DIPK1A: variants seen among roughly 807,000 people sequenced by gnomAD.
DIPK1A encodes the protein divergent protein kinase domain 1A.
In DIPK1A, 27 loss-of-function variants were observed where a neutral mutation model predicts 40.8. That is an observed-to-expected ratio of 0.66 (90% CI 0.49 to 0.91). DIPK1A has a LOEUF of 0.91. DIPK1A is among the 40% of genes least tolerant of loss of function. DIPK1A has a pLI of 0.00. For missense variants in DIPK1A, 412 were observed against 505.7 expected, an observed-to-expected ratio of 0.81 and a Z score of 1.78; for synonymous variants, 166 against 171.3, an observed-to-expected ratio of 0.97 and a Z score of 0.24.
At chr1:92,886,274 G>GT (rs941779697) in intron 1 of DIPK1A, among the ~76,000 whole-genome samples, 9 of 152,102 alleles carry the variant, frequency 5.9e-5, no homozygotes, top group African/African-American at 2.2e-4. Flanking sequence ...TGAGGCTGCA[G>GT]TAAGTGATGA....
At chr1:92,961,257 G>A (rs1652075678) in intron 1 of DIPK1A, 119 bp downstream of exon 1, 3 of 554,570 alleles carry the variant, frequency 5.4e-6, no homozygotes, top group Non-Finnish European at 8.1e-6. Context: ...AGGGGGCAGC[G>A]GGGTTCGGGC....
chr1:92,900,351 C>T (rs1292756668), intron 1 of DIPK1A, among the ~76,000 whole-genome samples: 2 of 152,010 alleles, frequency 1.3e-5, no homozygotes, highest in African/African-American at 4.8e-5. Flanking sequence ...AATGATCTGC[C>T]CTCAAATCCA....
At chr1:92,941,685 T>C (rs1651155305) in intron 1 of DIPK1A, among the ~76,000 whole-genome samples, 1 of 152,096 alleles carries the variant, frequency 6.6e-6, no homozygotes, top group Non-Finnish European at 1.5e-5. Context: ...ACGACGCAAG[T>C]GAAGGTGGGA....
intron 1 of DIPK1A, among the ~76,000 whole-genome samples, chr1:92,928,031 C>CA (rs1368762261): frequency 1.3e-5 from 2 of 152,122 alleles, no homozygotes; most frequent in Non-Finnish European, 2.9e-5. Context: ...AAAAACCTAC[C>CA]AAACTATTTT....
At chr1:92,868,340 C>T (rs957984799) in intron 2 of DIPK1A, among the ~76,000 whole-genome samples, 21 of 152,148 alleles carry the variant, frequency 1.4e-4, no homozygotes, top group African/African-American at 5.1e-4. Flanking sequence ...TAAAAACGTA[C>T]ATGGTGTTAC....
intron 4 of DIPK1A, chr1:92,833,763 CA>C: frequency 1.2e-6 from 1 of 857,158 alleles, no homozygotes; most frequent in Non-Finnish European, 1.9e-6. Flanking sequence ...CTAGCACCTC[CA>C]AAAGCATCCA....
At chr1:92,848,319 T>C (rs1265912889) in intron 3 of DIPK1A, among the ~76,000 whole-genome samples, 1 of 152,174 alleles carries the variant, frequency 6.6e-6, no homozygotes, top group African/African-American at 2.4e-5. Flanking sequence ...CAAAGTCCTT[T>C]CCATGACCGG....
downstream of DIPK1A, chr1:92,840,646 C>T (rs753544748): frequency 9.4e-6 from 15 of 1,601,938 alleles, no homozygotes; most frequent in East Asian, 4.5e-5. Context: ...AGAGGTATGT[C>T]GTCTTTTTTT....
chr1:92,913,018 T>C (rs1443040128), intron 1 of DIPK1A, among the ~76,000 whole-genome samples: 1 of 151,668 alleles, frequency 6.6e-6, no homozygotes, highest in East Asian at 1.9e-4. Flanking sequence ...GCAGGAGAAT[T>C]GCTTAAACCC....
intron 4 of DIPK1A, chr1:92,834,871 T>C: frequency 1.2e-6 from 2 of 1,605,130 alleles, no homozygotes; most frequent in South Asian, 1.1e-5. Context: ...GCCTGACAAA[T>C]TATGCTGCAG....
At position 92,941,128 on chromosome 1, in the gene DIPK1A, A is replaced by G. The variant is rs1253852355; in HGVS notation, c.54+20248T>C. Among the ~76,000 whole-genome samples, 3 of 152,236 alleles carry G rather than the reference A, an allele frequency of 2.0e-5. No individual in the cohort carries two copies. The East Asian group carries it at 5.8e-4, about 29-fold the overall frequency. ...AAGATTTTAATTTTGATAAGATCAA[A>G]TTTATCAATTTTTCCTTTATGAACC... is the stretch of plus-strand genomic sequence containing the variant. On this transcript the variant is annotated intron_variant, in intron 1 of 4. Coordinates refer to ENST00000370310, the MANE Select transcript of DIPK1A (RefSeq NM_001006605.5).
intron 1 of DIPK1A, among the ~76,000 whole-genome samples, chr1:92,954,115 T>C (rs975294084): frequency 2.0e-5 from 3 of 152,112 alleles, no homozygotes; most frequent in African/African-American, 7.2e-5. Flanking sequence ...ACTCGCATAC[T>C]TCGTAGATTA....
chr1:92,862,950 T>A (rs150023492), intron 2 of DIPK1A, among the ~76,000 whole-genome samples: 1 of 152,210 alleles, frequency 6.6e-6, no homozygotes, highest in Non-Finnish European at 1.5e-5. Context: ...TTCATTAGGG[T>A]TGCCGAGCAA....
chr1:92,847,436 GTCC>G lies in DIPK1A; in HGVS notation c.298-80_298-78del, dbSNP rs371590875. The stretch of plus-strand genomic sequence containing the variant: ...AAAAATATACTACTATATTTTTAGG[GTCC>G]TCCTCCTCTGAACAAAACAAAACAA... On this transcript the variant is annotated intron_variant, in intron 3 of 4. Coordinates refer to ENST00000370310, the MANE Select transcript of DIPK1A (RefSeq NM_001006605.5). 361 of 921,642 alleles carry G rather than the reference GTCC, an allele frequency of 3.9e-4. 5 individuals are homozygous for G. The South Asian group carries it at 9.5e-3, about 24-fold the overall frequency. 57.1% of individuals were successfully genotyped at this position (921,642 alleles called of 1,614,324 possible).
At chr1:92,864,342 T>C (rs2100752956) in intron 2 of DIPK1A, among the ~76,000 whole-genome samples, 1 of 152,356 alleles carries the variant, frequency 6.6e-6, no homozygotes, top group South Asian at 2.1e-4. Context: ...TAAGAGACTG[T>C]AATAACATTT....
intron 1 of DIPK1A, among the ~76,000 whole-genome samples, chr1:92,890,166 G>T (rs891790935): frequency 1.3e-5 from 2 of 152,000 alleles, no homozygotes; most frequent in African/African-American, 4.8e-5. Flanking sequence ...TATTGATTTT[G>T]TATTCTGCAA....
chr1:92,835,681 G>C (rs1490644223), intron 4 of DIPK1A, among the ~76,000 whole-genome samples: 3 of 131,990 alleles, frequency 2.3e-5, no homozygotes, highest in African/African-American at 8.4e-5. Context: ...AAAAAAAAAT[G>C]AGAATCTTAG....
intron 1 of DIPK1A, among the ~76,000 whole-genome samples, chr1:92,891,596 G>C (rs1281410993): frequency 2.0e-5 from 3 of 152,164 alleles, no homozygotes; most frequent in Non-Finnish European, 2.9e-5. Flanking sequence ...GCAGAACACA[G>C]GTGATTTCTG....
At chr1:92,841,109 C>T (rs1687346823), downstream of DIPK1A, among the ~76,000 whole-genome samples, 1 of 152,216 alleles carries the variant, frequency 6.6e-6, no homozygotes, top group African/African-American at 2.4e-5. Flanking sequence ...CTATATTCAT[C>T]ATGCTGTGCA....
Sources: gnomAD v4.1 joint callset for allele counts (sites outside exome capture counted in the v4.1 genomes callset) on GRCh38, gnomAD v4.1.1 for gene constraint, MANE v1.5 for transcripts, NCBI Gene and HGNC (gene_info 2026-07-23, HGNC 2026-07-21) for gene names.